ITGA9: variants seen among roughly 807,000 people sequenced by gnomAD.
ITGA9 encodes integrin alpha-9.
A neutral mutation model predicts 127.8 loss-of-function variants in ITGA9; 56 were observed. The ratio of observed to expected loss-of-function variants is 0.44; its 90% CI spans 0.35 to 0.55. The LOEUF (loss-of-function observed/expected upper bound fraction) is 0.55. Among genes scored for constraint, ITGA9 ranks in the 20% least tolerant of loss-of-function variants. The pLI is 0.00. For synonymous variants in ITGA9, 508 were observed against 514.5 expected, an observed-to-expected ratio of 0.99 and a Z score of 0.17; for missense variants, 1,196 against 1,347.1, an observed-to-expected ratio of 0.89 and a Z score of 1.76.
chr3:37,805,999 G>T (rs1417589815), intron 27 of ITGA9: 2 of 152,088 alleles, frequency 1.3e-5, no homozygotes, highest in African/African-American at 4.8e-5. Flanking sequence ...ATTGCAGATT[G>T]CCCTGTAGAA....
At chr3:37,565,992 A>T (rs1269821799) in intron 15 of ITGA9, among the ~76,000 whole-genome samples, 1 of 152,250 alleles carries the variant, frequency 6.6e-6, no homozygotes, top group Non-Finnish European at 1.5e-5. Flanking sequence ...TCCATGCCCA[A>T]GAGTTCCACC....
intron 16 of ITGA9, among the ~76,000 whole-genome samples, chr3:37,637,344 T>G (rs1259164100): frequency 6.6e-6 from 1 of 152,220 alleles, no homozygotes; most frequent in Non-Finnish European, 1.5e-5. Context: ...GAGGAGGTCC[T>G]TCACATCCCT....
chr3:37,637,076 A>G (rs1575175984), intron 16 of ITGA9, among the ~76,000 whole-genome samples: 2 of 152,176 alleles, frequency 1.3e-5, no homozygotes, highest in African/African-American at 4.8e-5. Context: ...TGACGCCTCC[A>G]GCTTTGTTCT....
At chr3:37,503,663 T>G (rs575159573) in intron 6 of ITGA9, among the ~76,000 whole-genome samples, 75 of 152,348 alleles carry the variant, frequency 4.9e-4, no homozygotes, top group Admixed American at 2.6e-3. Context: ...TCCCTTTGGA[T>G]GGAGTCCTTG....
intron 24 of ITGA9, among the ~76,000 whole-genome samples, chr3:37,778,808 C>A (rs1050737097): frequency 6.7e-6 from 1 of 150,136 alleles, no homozygotes; most frequent in Non-Finnish European, 1.5e-5. Flanking sequence ...TCACCTTTAT[C>A]ATTTCCTTTC....
chr3:37,741,855 A>C, intron 21 of ITGA9, 36 bp downstream of exon 21: 1 of 1,487,294 alleles, frequency 6.7e-7, no homozygotes, highest in Non-Finnish European at 9.3e-7. Context: ...ACAACACAGG[A>C]GTGCCCTCCA....
At chr3:37,465,039 C>G (rs1170228630) in intron 1 of ITGA9, among the ~76,000 whole-genome samples, 1 of 152,218 alleles carries the variant, frequency 6.6e-6, no homozygotes, top group East Asian at 1.9e-4. Context: ...GAAGCTTTGG[C>G]TTTGGGATCA....
rs567560014 is a variant in ITGA9 at position 37,468,521 on chromosome 3, G to A, written c.186-2486G>A. 4.6e-5 allele frequency among the ~76,000 whole-genome samples: 7 copies of A among 152,284 alleles called. No individual in the cohort carries two copies. The South Asian group carries it at 1.5e-3, about 32-fold the overall frequency. ...GCTGGAGTCCCCTTTGAGGGCCTCA[G>A]ACTTCTGTTGTATGATGTAGAGGCC... is the stretch of plus-strand genomic sequence containing the variant. On this transcript the variant is annotated intron_variant, in intron 1 of 27. Coordinates refer to ENST00000264741, the MANE Select transcript of ITGA9 (RefSeq NM_002207.3).
At chr3:37,526,915 GC>G (rs1277350203) in intron 13 of ITGA9, among the ~76,000 whole-genome samples, 1 of 152,204 alleles carries the variant, frequency 6.6e-6, no homozygotes, top group African/African-American at 2.4e-5. Flanking sequence ...TGAGTGAGAT[GC>G]CCCATGAGTG....
At chr3:37,680,434 G>C (rs898289457) in intron 17 of ITGA9, among the ~76,000 whole-genome samples, 3 of 152,108 alleles carry the variant, frequency 2.0e-5, no homozygotes, top group Non-Finnish European at 4.4e-5. Flanking sequence ...TAATCACAGA[G>C]CCTTGTTTGA....
rs745805811 is a variant in ITGA9 at position 37,803,907 on chromosome 3, C to G, written c.2974C>G (p.Leu992Val). The change falls in exon 27 of 28, where the codon CTC becomes GTC. Residue 992 changes from leucine (L) to valine (V), a missense_variant. Coordinates refer to ENST00000264741, the MANE Select transcript of ITGA9 (RefSeq NM_002207.3). The part of the protein sequence containing the change: ...IIAISLLVGI[L>V]IFLLLAVLLW... Reference sequence around the variant, plus strand: ...CGCCATCAGTTTGTTGGTGGGAATCCTCATCTTCCTGCTGCTGGCCGTGCT... The same window carrying G: ...CGCCATCAGTTTGTTGGTGGGAATCGTCATCTTCCTGCTGCTGGCCGTGCT... 11 of 1,614,060 alleles carry G rather than the reference C, an allele frequency of 6.8e-6. No individual in the cohort carries two copies. The highest frequency in any genetic ancestry group is 6.8e-6 in the Non-Finnish European group (8 of 1,180,036).
chr3:37,661,540 A>G (rs559430158), intron 17 of ITGA9, among the ~76,000 whole-genome samples: 14 of 152,244 alleles, frequency 9.2e-5, no homozygotes, highest in Admixed American at 3.9e-4. Context: ...AGCCAGGGAC[A>G]ATGTGAGGGA....
chr3:37,654,117 T>C (rs1197333348), intron 17 of ITGA9, among the ~76,000 whole-genome samples: 1 of 152,074 alleles, frequency 6.6e-6, no homozygotes, highest in Non-Finnish European at 1.5e-5. Flanking sequence ...AAATTGCCAA[T>C]ATTTGAACTT....
At chr3:37,660,218 A>G (rs1700520502) in intron 17 of ITGA9, among the ~76,000 whole-genome samples, 1 of 152,208 alleles carries the variant, frequency 6.6e-6, no homozygotes, top group Admixed American at 6.5e-5. Flanking sequence ...AGTTTCATAA[A>G]TTTGCAGCTC....
rs140699502 is a variant in ITGA9, at chr3:37,454,676, A to G, written c.185+2117A>G. On this transcript the variant is annotated intron_variant, in intron 1 of 27. Coordinates refer to ENST00000264741, the MANE Select transcript of ITGA9 (RefSeq NM_002207.3). ...AACTCTACTGAAATCTTTTTAAAATAATGCTTCTTTTTCCTCCCTCACCCA... is the reference window on the plus strand; with the variant it reads ...AACTCTACTGAAATCTTTTTAAAATGATGCTTCTTTTTCCTCCCTCACCCA... 4.6e-3 allele frequency among the ~76,000 whole-genome samples: 706 copies of G among 152,244 alleles called. 1 individual carries two copies. Among genetic ancestry groups the G allele is most frequent in the Non-Finnish European group, 7.8e-3 (528 of 68,020 alleles).
intron 16 of ITGA9, among the ~76,000 whole-genome samples, chr3:37,652,182 G>T (rs1341700918): frequency 1.3e-5 from 2 of 152,004 alleles, no homozygotes; most frequent in African/African-American, 4.8e-5. Flanking sequence ...TTCCCTAGGG[G>T]CCATGTCAGC....
intron 25 of ITGA9, among the ~76,000 whole-genome samples, chr3:37,782,556 G>A (rs958695554): frequency 1.3e-5 from 2 of 152,224 alleles, no homozygotes; most frequent in Non-Finnish European, 1.5e-5. Flanking sequence ...ACTTCCAGGT[G>A]CAGAGAAAAG....
intron 14 of ITGA9, among the ~76,000 whole-genome samples, chr3:37,534,064 A>G (rs1306906307): frequency 2.0e-5 from 3 of 152,188 alleles, no homozygotes; most frequent in Non-Finnish European, 4.4e-5. Context: ...GGGAAAATCA[A>G]CTTGCTAGCC....
At chr3:37,605,331 G>A (rs969070013) in intron 15 of ITGA9, among the ~76,000 whole-genome samples, 4 of 152,098 alleles carry the variant, frequency 2.6e-5, no homozygotes, top group Non-Finnish European at 5.9e-5. Flanking sequence ...TTCATTTGAC[G>A]AGCCATGGGA....
Sources: gnomAD v4.1 joint callset for allele counts (sites outside exome capture counted in the v4.1 genomes callset) on GRCh38, gnomAD v4.1.1 for gene constraint, MANE v1.5 for transcripts, NCBI Gene and HGNC (gene_info 2026-07-23, HGNC 2026-07-21) for gene names.